CAMTA1: variants seen among roughly 807,000 people sequenced by gnomAD.
CAMTA1 encodes calmodulin-binding transcription activator 1.
Under a neutral mutation model 170.9 loss-of-function variants are expected in CAMTA1, and 27 were observed. The ratio of observed to expected loss-of-function variants is 0.16; its 90% CI spans 0.12 to 0.22. The LOEUF is 0.22. CAMTA1 is among the 10% of genes least tolerant of loss of function. The probability of loss-of-function intolerance (pLI) is 1.00; values close to 1 mark genes in which losing one functional copy is unlikely to be tolerated. For missense variants in CAMTA1, 1,619 were observed against 2,217.2 expected (o/e 0.73, Z 5.42); for synonymous variants, 833 against 891.5 (o/e 0.93, Z 1.17).
At chr1:7,331,716 A>G (rs1263039029) in intron 5 of CAMTA1, among the ~76,000 whole-genome samples, 1 of 152,188 alleles carries the variant, frequency 6.6e-6, no homozygotes, top group South Asian at 2.1e-4. Context: ...GCTCAGCAAG[A>G]CAGGTAACCT....
chr1:7,448,599 A>C, intron 5 of CAMTA1, among the ~76,000 whole-genome samples: 1 of 152,212 alleles, frequency 6.6e-6, no homozygotes, highest in Non-Finnish European at 1.5e-5. Flanking sequence ...CCCAGAGTTC[A>C]GGAGGCTGGA....
rs1293014143 is a variant in CAMTA1 at position 7,008,113 on chromosome 1, C to T, written c.235-83191C>T. ...GGCTGACTTCATGGCCAGCACTGTCCTGGGCACCGTGGGTCGTGGAAGGGA... is the reference window on the plus strand; with the variant it reads ...GGCTGACTTCATGGCCAGCACTGTCTTGGGCACCGTGGGTCGTGGAAGGGA... On this transcript the variant is annotated intron_variant, in intron 3 of 22. Transcript: ENST00000303635. Among the ~76,000 whole-genome samples, 9 of 152,260 alleles carry T rather than the reference C, an allele frequency of 5.9e-5. No individual in the cohort carries two copies. The South Asian group carries it at 1.9e-3, about 32-fold the overall frequency.
intron 12 of CAMTA1, among the ~76,000 whole-genome samples, chr1:7,735,236 G>A (rs1281731082): frequency 6.6e-6 from 1 of 152,182 alleles, no homozygotes; most frequent in Non-Finnish European, 1.5e-5. Context: ...GGTGGCTCAT[G>A]CCAGGAACCT....
chr1:6,868,084 C>T (rs940227971), intron 3 of CAMTA1, among the ~76,000 whole-genome samples: 6 of 152,064 alleles, frequency 3.9e-5, no homozygotes, highest in South Asian at 4.1e-4. Flanking sequence ...GGATTATAGG[C>T]GTGAGCCACA....
At chr1:7,149,006 T>A (rs1157809664) in intron 4 of CAMTA1, among the ~76,000 whole-genome samples, 6 of 152,374 alleles carry the variant, frequency 3.9e-5, no homozygotes, top group African/African-American at 1.4e-4. Flanking sequence ...GGAGTGGGGC[T>A]TCCTGCCCTG....
At chr1:6,920,512 C>T (rs1681771152) in intron 3 of CAMTA1, among the ~76,000 whole-genome samples, 1 of 152,210 alleles carries the variant, frequency 6.6e-6, no homozygotes, top group Non-Finnish European at 1.5e-5. Context: ...TGGTGACCCT[C>T]TTCTCACAGC....
At position 7,299,375 on chromosome 1, in the gene CAMTA1, C is replaced by T. The variant is rs1474865991; in HGVS notation, c.438+49749C>T. On this transcript the variant is annotated intron_variant, in intron 5 of 22. Coordinates refer to ENST00000303635, the MANE Select transcript of CAMTA1 (RefSeq NM_015215.4). This position sits in a 1 kb window ranked among gnomAD's most constrained non-coding sequence, Gnocchi z 4.7. Reference sequence around the variant, plus strand: ...AGCCAGTGCTGTCAGCAGTTTCTCCCCCTTAATGTAATGCTGTATGTGACT... The same window carrying T: ...AGCCAGTGCTGTCAGCAGTTTCTCCTCCTTAATGTAATGCTGTATGTGACT... 6.6e-6 allele frequency among the ~76,000 whole-genome samples: 1 copy of T among 152,200 alleles called. No individual in the cohort carries two copies. The highest frequency in any genetic ancestry group is 1.5e-5 in the Non-Finnish European group (1 of 68,048).
chr1:7,602,390 G>A (rs1363919338), intron 6 of CAMTA1, among the ~76,000 whole-genome samples: 1 of 152,026 alleles, frequency 6.6e-6, no homozygotes, highest in Non-Finnish European at 1.5e-5. Flanking sequence ...TTGGGAGAGT[G>A]TATGTGTCGA....
At position 7,007,462 on chromosome 1, in the gene CAMTA1, C is replaced by T. The variant is rs983916172; in HGVS notation, c.235-83842C>T. On this transcript the variant is annotated intron_variant, in intron 3 of 22. Coordinates refer to ENST00000303635, the MANE Select transcript of CAMTA1 (RefSeq NM_015215.4). This position sits in a 1 kb window ranked among gnomAD's most constrained non-coding sequence, Gnocchi z 4.5. ...GAATGTCACACCCAGGTCCTTCCCT[C>T]GCCTCGAGAACCCCAAGCGAATTCC... Among the ~76,000 whole-genome samples the T allele has an allele frequency of 2.0e-5, 3 of 152,180 alleles. No individual in the cohort carries two copies. Among genetic ancestry groups the T allele is most frequent in the Non-Finnish European group, 4.4e-5 (3 of 68,030 alleles).
intron 4 of CAMTA1, among the ~76,000 whole-genome samples, chr1:7,180,511 C>CTTT (rs397862259): frequency 0.014 from 985 of 71,056 alleles, 29 homozygotes; most frequent in East Asian, 0.019. Flanking sequence ...TGTCACTAGA[C>CTTT]TTTTTTTTTT....
rs1372161270 is a variant in CAMTA1, at chr1:7,300,388, GTA to G, written c.438+50765_438+50766del. On this transcript the variant is annotated intron_variant, in intron 5 of 22. Coordinates refer to ENST00000303635, the MANE Select transcript of CAMTA1 (RefSeq NM_015215.4). The surrounding 1 kb of genome is among the most constrained non-coding windows in gnomAD (Gnocchi z 4.1). The stretch of plus-strand genomic sequence containing the variant: ...AACTCCATGAATTGTTTAGAAAATT[GTA>G]TAGAGGCCAGGCGCAGTGGCTCACG... Among the ~76,000 whole-genome samples, 1 of 152,170 alleles carries G rather than the reference GTA, an allele frequency of 6.6e-6. No homozygotes were observed. The highest frequency in any genetic ancestry group is 6.6e-5 in the Admixed American group (1 of 15,264).
At chr1:7,153,085 G>T (rs148037286) in intron 4 of CAMTA1, among the ~76,000 whole-genome samples, 1 of 152,332 alleles carries the variant, frequency 6.6e-6, no homozygotes, top group African/African-American at 2.4e-5. Flanking sequence ...CGAGGATATT[G>T]AATTGCGGTG....
chr1:6,916,051 G>T (rs911191250), intron 3 of CAMTA1, among the ~76,000 whole-genome samples: 3 of 152,072 alleles, frequency 2.0e-5, no homozygotes, highest in African/African-American at 7.2e-5. Flanking sequence ...TGCTGTTCGC[G>T]GTCTGTTCCC....
chr1:7,512,513 G>T (rs543984746), intron 6 of CAMTA1, among the ~76,000 whole-genome samples: 1 of 152,356 alleles, frequency 6.6e-6, no homozygotes, highest in African/African-American at 2.4e-5. Flanking sequence ...TTCAGTGGCT[G>T]TGTCCAGGCT....
intron 5 of CAMTA1, among the ~76,000 whole-genome samples, chr1:7,462,753 A>G (rs2093120624): frequency 1.3e-5 from 2 of 152,106 alleles, no homozygotes; most frequent in Non-Finnish European, 2.9e-5. Context: ...GCAGGGACCT[A>G]GTAACCCCCG....
Position 7,014,486 on chromosome 1 carries a change from C to T in CAMTA1, c.235-76818C>T, listed in dbSNP as rs1014431907. On this transcript the variant is annotated intron_variant, in intron 3 of 22. Transcript: ENST00000303635. The surrounding 1 kb of genome is among the most constrained non-coding windows in gnomAD (Gnocchi z 4.2). ...CCTTTTTGCTCCCTGCCCCAGCCTG[C>T]CCCATTAGACAGGGCATGGTGAGGC... Among the ~76,000 whole-genome samples, 5 of 152,226 alleles carry T rather than the reference C, an allele frequency of 3.3e-5. No individual in the cohort carries two copies. Among genetic ancestry groups the T allele is most frequent in the African/African-American group, 1.2e-4 (5 of 41,456 alleles).
At chr1:7,099,129 A>G (rs917247127) in intron 4 of CAMTA1, among the ~76,000 whole-genome samples, 2 of 150,732 alleles carry the variant, frequency 1.3e-5, no homozygotes, top group African/African-American at 2.4e-5. Context: ...GCTCACTGCA[A>G]CCTCCACCTC....
intron 3 of CAMTA1, among the ~76,000 whole-genome samples, chr1:6,962,577 C>T: frequency 6.8e-6 from 1 of 147,466 alleles, no homozygotes; most frequent in Middle Eastern, 3.5e-3. Context: ...AGCCTTCCCA[C>T]CTGGCCCCAC....
At chr1:7,000,931 C>T (rs74051076) in intron 3 of CAMTA1, among the ~76,000 whole-genome samples, 2,399 of 152,294 alleles carry the variant, frequency 0.016, 68 homozygotes, top group African/African-American at 0.053. Flanking sequence ...CTCAGATTAT[C>T]TTATATTTGA....
Sources: gnomAD v4.1 joint callset for allele counts (sites outside exome capture counted in the v4.1 genomes callset) on GRCh38, gnomAD v4.1.1 for gene constraint, Gnocchi (gnomAD v3.1) non-coding constraint, MANE v1.5 for transcripts, NCBI Gene and HGNC (gene_info 2026-07-23, HGNC 2026-07-21) for gene names.